MCHR2: variants seen among roughly 807,000 people sequenced by gnomAD.
The protein encoded by MCHR2 is melanin-concentrating hormone receptor 2.
A neutral mutation model predicts 24.8 loss-of-function variants in MCHR2; 15 were observed. The ratio of observed to expected loss-of-function variants is 0.60; its 90% CI spans 0.40 to 0.93. The LOEUF (loss-of-function observed/expected upper bound fraction) is 0.93. Among genes scored for constraint, MCHR2 ranks in the 40% least tolerant of loss-of-function variants. The pLI is 0.00. For synonymous variants in MCHR2, 151 were observed against 147.6 expected (o/e 1.02, Z -0.17); for missense variants, 386 against 408.7 (o/e 0.94, Z 0.48).
intron 2 of MCHR2, among the ~76,000 whole-genome samples, chr6:99,955,336 C>T (rs1244041763): frequency 4.6e-5 from 7 of 152,098 alleles, no homozygotes; most frequent in Admixed American, 1.3e-4. Context: ...GAGGAAATTA[C>T]CTGAATTAGG....
At chr6:99,936,943 A>G (rs1774673678) in intron 4 of MCHR2, among the ~76,000 whole-genome samples, 2 of 151,752 alleles carry the variant, frequency 1.3e-5, no homozygotes, top group South Asian at 4.1e-4. Context: ...GTTGAATTGA[A>G]TACTAGGTAT....
chr6:99,921,029 T>G lies in MCHR2; in HGVS notation c.934A>C (p.Asn312His). The change falls in exon 6 of 6, where the codon AAT (asparagine) becomes CAT (histidine). Residue 312 changes from asparagine (N) to histidine (H), a missense_variant. Physicochemically the swap from Asn to His is moderately conservative, Grantham distance 68. Coordinates refer to ENST00000281806, the MANE Select transcript of MCHR2 (RefSeq NM_001040179.2). Reference sequence around the variant, plus strand: ...ATTTGAGGCAGACGTTTCTGGAAATTTCCACTCAGCAGGATGTAGAGAAAA... The same window carrying G: ...ATTTGAGGCAGACGTTTCTGGAAATGTCCACTCAGCAGGATGTAGAGAAAA... ...NPFLYILLSG[N>H]FQKRLPQIQR... is the part of the protein sequence containing the mutation. 6.2e-7 allele frequency: 1 copy of G among 1,614,176 alleles called. No homozygotes were observed. The highest frequency in any genetic ancestry group is 8.5e-7 in the Non-Finnish European group (1 of 1,180,010).
chr6:99,929,977 C>T (rs1283841383), intron 5 of MCHR2, among the ~76,000 whole-genome samples: 27 of 150,306 alleles, frequency 1.8e-4, no homozygotes, highest in African/African-American at 3.9e-4. Flanking sequence ...TGGCTGGTAC[C>T]GGTTGTTCCT....
At chr6:99,940,171 G>A (rs1221511848) in intron 4 of MCHR2, among the ~76,000 whole-genome samples, 3 of 151,820 alleles carry the variant, frequency 2.0e-5, no homozygotes, top group Non-Finnish European at 2.9e-5. Flanking sequence ...CTTTGAATAA[G>A]CTTTCTACTC....
intron 1 of MCHR2, among the ~76,000 whole-genome samples, chr6:99,956,893 T>C (rs578147135): frequency 6.6e-6 from 1 of 152,224 alleles, no homozygotes; most frequent in African/African-American, 2.4e-5. Flanking sequence ...AAATGATAAA[T>C]TGGATTACTC....
chr6:99,960,427 A>G (rs1207464649), intron 1 of MCHR2, among the ~76,000 whole-genome samples: 2 of 152,158 alleles, frequency 1.3e-5, no homozygotes, highest in Admixed American at 1.3e-4. Flanking sequence ...TATAGATTCA[A>G]TGCCATCCCC....
chr6:99,947,665 C>T (rs1228370272), intron 3 of MCHR2, 97 bp downstream of exon 3: 3 of 1,195,370 alleles, frequency 2.5e-6, no homozygotes, highest in Non-Finnish European at 2.4e-6. Flanking sequence ...AAAACCTCTG[C>T]TGTTATAAAC....
At chr6:99,972,363 T>C (rs1312949891) in intron 1 of MCHR2, among the ~76,000 whole-genome samples, 1 of 152,248 alleles carries the variant, frequency 6.6e-6, no homozygotes, top group Non-Finnish European at 1.5e-5. Flanking sequence ...GTGTTGGTAG[T>C]ATTCTCTGAT....
At chr6:99,930,595 CTG>C (rs1774498243) in intron 5 of MCHR2, among the ~76,000 whole-genome samples, 1 of 81,304 alleles carries the variant, frequency 1.2e-5, no homozygotes, top group Non-Finnish European at 3.0e-5. Flanking sequence ...ATTTCATCTT[CTG>C]TCACTGATAC....
chr6:99,963,938 AAGAT>A (rs1368946451), intron 1 of MCHR2, among the ~76,000 whole-genome samples: 1 of 152,298 alleles, frequency 6.6e-6, no homozygotes, highest in African/African-American at 2.4e-5. Context: ...CCTATAAAAA[AAGAT>A]AGAGAAGCCT....
chr6:99,925,902 T>C (rs1774344712), intron 5 of MCHR2, among the ~76,000 whole-genome samples: 1 of 151,756 alleles, frequency 6.6e-6, no homozygotes, highest in Non-Finnish European at 1.5e-5. Context: ...GTTACATATG[T>C]ATACATGTGC....
At chr6:99,928,997 A>G (rs1582370421) in intron 5 of MCHR2, among the ~76,000 whole-genome samples, 1 of 147,052 alleles carries the variant, frequency 6.8e-6, no homozygotes, top group Admixed American at 6.7e-5. Context: ...TTCCCTCTAC[A>G]CTCTGCTTTG....
chr6:99,968,732 G>A (rs916327413), intron 1 of MCHR2, among the ~76,000 whole-genome samples: 9 of 151,686 alleles, frequency 5.9e-5, no homozygotes, highest in Non-Finnish European at 8.8e-5. Context: ...CCATATCCTT[G>A]TTATAAAACA....
chr6:99,957,324 T>G (rs571706597), intron 1 of MCHR2, among the ~76,000 whole-genome samples: 1 of 152,274 alleles, frequency 6.6e-6, no homozygotes, highest in East Asian at 1.9e-4. Context: ...GCAAGCATTT[T>G]TTATCATCAG....
At chr6:99,989,998 T>G (rs1430309980) in intron 1 of MCHR2, among the ~76,000 whole-genome samples, 2 of 152,186 alleles carry the variant, frequency 1.3e-5, no homozygotes, top group Non-Finnish European at 2.9e-5. Flanking sequence ...TCTTTTTACA[T>G]TTCTAAGATT....
chr6:99,947,882 T>G lies in MCHR2; in HGVS notation c.272A>C (p.His91Pro). ...CCACTCTCCCCCTCGGGCCCATTGG[T>G]GAATAAGAAAAGGCATTCCAACTAT... ...VHIVGMPFLI[H>P]QWARGGEWVF... The change falls in exon 3 of 6, where the codon CAC becomes CCC. Residue 91 changes from histidine to proline, a missense_variant. His to Pro is a moderately conservative substitution (Grantham distance 77, BLOSUM62 -2). Transcript: ENST00000281806. 1 of 1,613,686 alleles carries G rather than the reference T, an allele frequency of 6.2e-7. No individual in the cohort carries two copies. The highest frequency in any genetic ancestry group is 8.5e-7 in the Non-Finnish European group (1 of 1,179,776).
intron 5 of MCHR2, among the ~76,000 whole-genome samples, chr6:99,930,029 G>A (rs1224507320): frequency 6.7e-6 from 1 of 150,308 alleles, no homozygotes; most frequent in African/African-American, 2.5e-5. Flanking sequence ...TTTAGGGCAG[G>A]CCTGGTGGTG....
At position 99,943,100 on chromosome 6, in the gene MCHR2, T is replaced by G; in HGVS notation, c.436A>C (p.Thr146Pro). The G allele has an allele frequency of 6.2e-7, 1 of 1,610,824 alleles. No homozygotes were observed. The change falls in exon 4 of 6, where the codon ACA becomes CCA. Residue 146 changes from threonine to proline, a missense_variant. Coordinates refer to ENST00000281806, the MANE Select transcript of MCHR2 (RefSeq NM_001040179.2). ...TTGATCCGGATGGTCTTGTACCTTG[T>G]TCTCCAACGTGTCAGTCGAAATGGT... The part of the protein sequence containing the change: ...VQPFRLTRWR[T>P]RYKTIRINLG...
chr6:99,970,594 T>C (rs1238217076), intron 1 of MCHR2, among the ~76,000 whole-genome samples: 1 of 152,232 alleles, frequency 6.6e-6, no homozygotes, highest in East Asian at 1.9e-4. Flanking sequence ...TTTTGGCTTT[T>C]GTTGCCTTTG....
Sources: allele counts gnomAD v4.1 joint callset (sites outside exome capture counted in the v4.1 genomes callset), GRCh38; gene constraint gnomAD v4.1.1; transcripts MANE v1.5; gene names NCBI Gene and HGNC (gene_info 2026-07-23, HGNC 2026-07-21).